Variants in COL26A1 observed in about 807,000 individuals in gnomAD.
COL26A1 encodes the protein collagen alpha-1(XXVI) chain.
COL26A1 carries 41 observed loss-of-function variants against 59.3 expected under a neutral mutation model. The observed-to-expected ratio is 0.69, with a 90% CI of 0.54 to 0.90. The LOEUF (loss-of-function observed/expected upper bound fraction) is 0.90, where lower values mean the gene tolerates loss of function less well. COL26A1 is among the 40% of genes least tolerant of loss of function. The probability of loss-of-function intolerance (pLI) is 0.00; values close to 1 mark genes in which losing one functional copy is unlikely to be tolerated. For missense variants in COL26A1, 612 were observed against 602.3 expected (o/e 1.02, Z -0.17); for synonymous variants, 266 against 256.0 (o/e 1.04, Z -0.37).
At chr7:101,519,010 G>A (rs1017525642) in intron 3 of COL26A1, among the ~76,000 whole-genome samples, 1 of 152,140 alleles carries the variant, frequency 6.6e-6, no homozygotes, top group Non-Finnish European at 1.5e-5. Flanking sequence ...CCCATTCATG[G>A]CTGGTCTGAA....
chr7:101,412,926 C>A (rs993247656), intron 1 of COL26A1, among the ~76,000 whole-genome samples: 1 of 152,182 alleles, frequency 6.6e-6, no homozygotes, highest in African/African-American at 2.4e-5. Flanking sequence ...GCTTCAGCAG[C>A]ATCTCTTAGG....
intron 4 of COL26A1, 82 bp downstream of exon 4, chr7:101,533,225 G>A: frequency 1.0e-6 from 1 of 990,332 alleles, no homozygotes; most frequent in South Asian, 1.4e-5. Flanking sequence ...CAACCACTGG[G>A]TGTGGCCGTG....
At chr7:101,417,424 GT>G (rs1792396749) in intron 1 of COL26A1, among the ~76,000 whole-genome samples, 1 of 146,910 alleles carries the variant, frequency 6.8e-6, no homozygotes, top group South Asian at 2.2e-4. Context: ...AAGGTCACCA[GT>G]TTTTGAGGTC....
intron 1 of COL26A1, among the ~76,000 whole-genome samples, chr7:101,381,857 A>G (rs761498692): frequency 5.3e-5 from 8 of 152,090 alleles, no homozygotes; most frequent in Non-Finnish European, 1.0e-4. Context: ...TATTTGGCCA[A>G]ACACACAAAC....
At chr7:101,390,243 C>T (rs1791697162) in intron 1 of COL26A1, among the ~76,000 whole-genome samples, 1 of 145,590 alleles carries the variant, frequency 6.9e-6, no homozygotes, top group South Asian at 2.2e-4. Flanking sequence ...CTGCAACCTG[C>T]CTTCTGGGTT....
At chr7:101,479,535 T>C (rs1016609155) in intron 3 of COL26A1, among the ~76,000 whole-genome samples, 1 of 152,230 alleles carries the variant, frequency 6.6e-6, no homozygotes, top group Non-Finnish European at 1.5e-5. Flanking sequence ...TTTGGTTGAT[T>C]ATAGTATTTT....
At chr7:101,508,974 T>C (rs547216030) in intron 3 of COL26A1, among the ~76,000 whole-genome samples, 5 of 152,096 alleles carry the variant, frequency 3.3e-5, no homozygotes, top group African/African-American at 9.6e-5. Flanking sequence ...CACTGCACTC[T>C]AGTCTGAGTG....
chr7:101,458,644 C>CT (rs1406711414), intron 3 of COL26A1, among the ~76,000 whole-genome samples: 1 of 125,256 alleles, frequency 8.0e-6, no homozygotes, highest in Non-Finnish European at 1.8e-5. Flanking sequence ...AGTGAAAACT[C>CT]TGTCTCCAAA....
chr7:101,438,783 G>C (rs1347986504), intron 2 of COL26A1, among the ~76,000 whole-genome samples: 3 of 151,474 alleles, frequency 2.0e-5, no homozygotes, highest in Non-Finnish European at 4.4e-5. Flanking sequence ...CAATTCTCCT[G>C]CCTCAGCCTC....
intron 3 of COL26A1, among the ~76,000 whole-genome samples, chr7:101,481,487 T>A (rs1162693805): frequency 1.3e-5 from 2 of 150,978 alleles, no homozygotes; most frequent in Non-Finnish European, 2.9e-5. Flanking sequence ...AGGGACTCAC[T>A]GTCACCCCGG....
At chr7:101,475,594 C>T (rs1394198018) in intron 3 of COL26A1, among the ~76,000 whole-genome samples, 1 of 151,838 alleles carries the variant, frequency 6.6e-6, no homozygotes, top group African/African-American at 2.4e-5. Context: ...AAGTTACGGG[C>T]TGGACGCGAG....
At chr7:101,542,113 C>G (rs1054644725) in intron 5 of COL26A1, among the ~76,000 whole-genome samples, 1 of 152,024 alleles carries the variant, frequency 6.6e-6, no homozygotes, top group Middle Eastern at 3.4e-3. Context: ...ATTACAGGCA[C>G]GCACCACCAA....
intron 7 of COL26A1, among the ~76,000 whole-genome samples, chr7:101,546,619 C>T (rs949523509): frequency 6.6e-6 from 1 of 152,028 alleles, no homozygotes; most frequent in Non-Finnish European, 1.5e-5. Context: ...TGCCCTGGGG[C>T]CCTGGGTCTG....
intron 3 of COL26A1, among the ~76,000 whole-genome samples, chr7:101,473,857 A>T (rs370763093): frequency 1.7e-5 from 1 of 57,750 alleles, no homozygotes; most frequent in Non-Finnish European, 4.6e-5. Context: ...TGTCTCAAAG[A>T]AAAAAAAAAA....
At chr7:101,532,658 T>G (rs1795393570) in intron 3 of COL26A1, among the ~76,000 whole-genome samples, 1 of 152,190 alleles carries the variant, frequency 6.6e-6, no homozygotes, top group Non-Finnish European at 1.5e-5. Flanking sequence ...CCTGTGTCTA[T>G]TAGCCCAACT....
intron 1 of COL26A1, among the ~76,000 whole-genome samples, chr7:101,386,583 A>G (rs757247772): frequency 2.0e-5 from 3 of 152,136 alleles, no homozygotes; most frequent in Non-Finnish European, 4.4e-5. Flanking sequence ...CCAGAAGGTT[A>G]TGTCTGTCAC....
chr7:101,545,607 A>G, intron 7 of COL26A1, 117 bp downstream of exon 7: 1 of 1,130,552 alleles, frequency 8.8e-7, no homozygotes, highest in Non-Finnish European at 1.2e-6. Context: ...ATCCTGCTGC[A>G]CCCAACTGGC....
chr7:101,533,184 G>A (rs1795406397), intron 4 of COL26A1, 41 bp downstream of exon 4: 10 of 1,486,242 alleles, frequency 6.7e-6, no homozygotes, highest in African/African-American at 1.4e-5. Context: ...GAGCTGCCTG[G>A]GGACCTTGGG....
intron 3 of COL26A1, among the ~76,000 whole-genome samples, chr7:101,475,742 T>C (rs115860649): frequency 0.02 from 3,039 of 151,016 alleles, 146 homozygotes; most frequent in African/African-American, 0.07. Context: ...TTCCTTTCCT[T>C]CCTTCCTTCC....
Sources: allele counts gnomAD v4.1 joint callset (sites outside exome capture counted in the v4.1 genomes callset), GRCh38; gene constraint gnomAD v4.1.1; transcripts MANE v1.5; gene names NCBI Gene and HGNC (gene_info 2026-07-23, HGNC 2026-07-21).